CDC42BPB: variants seen among roughly 807,000 people sequenced by gnomAD.
CDC42BPB encodes CDC42 binding protein kinase beta.
Under a neutral mutation model 214.9 loss-of-function variants are expected in CDC42BPB, and 37 were observed. The ratio of observed to expected loss-of-function variants is 0.17; its 90% CI spans 0.13 to 0.23. The LOEUF is 0.23. Ranked by LOEUF, CDC42BPB falls within the 10% of genes least tolerant of loss-of-function variation. The pLI is 1.00. For missense variants in CDC42BPB, 1,694 were observed against 2,227.0 expected (o/e 0.76, Z 4.82); for synonymous variants, 931 against 884.0 (o/e 1.05, Z -0.94).
rs2139444260 is a variant in CDC42BPB, at chr14:102,964,631, C to T, written c.2597G>A (p.Arg866His). ...GGACATGTCCAGCTTCTGGCTGCGG[C>T]GCACCTTCCACAGCGGGTCCTTGAG... The part of the protein sequence containing the change: ...SRTLDPLWKV[R>H]RSQKLDMSAR... Residue 866 changes from arginine to histidine, a missense_variant, in exon 19 of 37, where the codon CGC becomes CAC. By Grantham distance (29) the Arg-to-His change is conservative (BLOSUM62 0). This residue lies in a region of CDC42BPB where 55 missense variants were observed against 95.5 expected (regional missense o/e 0.58). Transcript: ENST00000361246. 3 of 1,613,122 alleles carry T rather than the reference C, an allele frequency of 1.9e-6. No homozygotes were observed. Among genetic ancestry groups the T allele is most frequent in the Admixed American group, 1.7e-5 (1 of 59,954 alleles).
intron 1 of CDC42BPB, among the ~76,000 whole-genome samples, chr14:103,028,172 G>A (rs1440617298): frequency 1.3e-5 from 2 of 152,170 alleles, no homozygotes; most frequent in African/African-American, 2.4e-5. Context: ...CAAGCACAAC[G>A]AATCTGTGAT....
intron 1 of CDC42BPB, among the ~76,000 whole-genome samples, chr14:103,046,509 A>G (rs560073076): frequency 6.6e-6 from 1 of 152,348 alleles, no homozygotes; most frequent in South Asian, 2.1e-4. Flanking sequence ...ACGCACAGGA[A>G]ACAGACAAGG....
chr14:102,981,043 C>G (rs375206673), intron 7 of CDC42BPB, 22 bp from the exon 8 acceptor site: 1 of 1,613,722 alleles, frequency 6.2e-7, no homozygotes, highest in Non-Finnish European at 8.5e-7. Flanking sequence ...GGCAAAAACA[C>G]CGGTGGACAG....
chr14:102,961,675 C>CT (rs1198279308), intron 20 of CDC42BPB, among the ~76,000 whole-genome samples: 4 of 152,082 alleles, frequency 2.6e-5, no homozygotes, highest in African/African-American at 9.7e-5. Context: ...TCCTGAGTAG[C>CT]TGGGATTACA....
chr14:102,939,981 GGCACCAGGGACA>G, intron 32 of CDC42BPB, 34 bp from the exon 33 acceptor site: 1 of 1,613,674 alleles, frequency 6.2e-7, no homozygotes, highest in Non-Finnish European at 8.5e-7. Context: ...ACGGTGCTGC[GGCACCAGGGACA>G]CACGCCCCTC....
At chr14:103,027,193 G>A (rs1380722382) in intron 1 of CDC42BPB, among the ~76,000 whole-genome samples, 1 of 152,170 alleles carries the variant, frequency 6.6e-6, no homozygotes, top group African/African-American at 2.4e-5. Context: ...CATAACAAGC[G>A]TTGGCCATGA....
Position 102,940,265 on chromosome 14 carries a change from G to A in CDC42BPB, c.4468C>T (p.Arg1490Cys), listed in dbSNP as rs1194354927. The A allele has an allele frequency of 4.4e-6, 7 of 1,596,634 alleles. No individual in the cohort carries two copies. In the Admixed American group the frequency reaches 8.8e-5, roughly 20 times the overall value. The stretch of plus-strand genomic sequence containing the variant: ...ATGGTCTGCACCCACTCCATGGTGC[G>A]CACATCAAAGACGTCCACGCCATAC... The part of the protein sequence containing the change: ...SEYGVDVFDV[R>C]TMEWVQTIGL... Residue 1490 changes from arginine (R) to cysteine (C), a missense_variant, in exon 31 of 37, where the codon CGC becomes TGC. This residue lies in a region of CDC42BPB where 567 missense variants were observed against 790.3 expected (regional missense o/e 0.72). Transcript: ENST00000361246.
At chr14:102,935,107 C>T (rs1007121251) in intron 36 of CDC42BPB, among the ~76,000 whole-genome samples, 1 of 151,846 alleles carries the variant, frequency 6.6e-6, no homozygotes, top group African/African-American at 2.4e-5. Context: ...GCTAGAGGTT[C>T]TAGGCAGAGC....
At chr14:102,945,822 A>G in intron 28 of CDC42BPB, 98 bp from the exon 29 acceptor site, 1 of 1,009,274 alleles carries the variant, frequency 9.9e-7, no homozygotes, top group Non-Finnish European at 1.6e-6. Context: ...ATACTTTTCA[A>G]CCATATGTGG....
Position 102,968,641 on chromosome 14 carries a change from C to G in CDC42BPB, c.2071G>C (p.Glu691Gln). The stretch of plus-strand genomic sequence containing the variant: ...TCTTCATAAAATAAGACTTTCTTCT[C>G]CAGCTCGGATTTGATTTTGGAAATC... ...QEISKIKSEL[E>Q]KKVLFYEEEL... The change falls in exon 15 of 37, where the codon GAG becomes CAG. Residue 691 changes from glutamate to glutamine, a missense_variant. By Grantham distance (29) the Glu-to-Gln change is conservative (BLOSUM62 2). This residue lies in a region of CDC42BPB where 462 missense variants were observed against 513.5 expected (regional missense o/e 0.90). Coordinates refer to ENST00000361246, the MANE Select transcript of CDC42BPB (RefSeq NM_006035.4). 6.2e-7 allele frequency: 1 copy of G among 1,614,232 alleles called. No homozygotes were observed. Among genetic ancestry groups the G allele is most frequent in the Non-Finnish European group, 8.5e-7 (1 of 1,180,040 alleles).
In CDC42BPB at chr14:102,974,132, G is replaced by A. The variant is rs768333860; in HGVS notation, c.1525C>T (p.Arg509Ter). The A allele has an allele frequency of 1.2e-6, 2 of 1,613,460 alleles. No individual in the cohort carries two copies. The highest frequency in any genetic ancestry group is 1.3e-5 in the African/African-American group (1 of 74,912). The change falls in exon 12 of 37, where the codon CGA (arginine) becomes TGA (stop). Residue 509 changes from arginine (R) to a stop codon, truncating the protein, a stop_gained. Coordinates refer to ENST00000361246, the MANE Select transcript of CDC42BPB (RefSeq NM_006035.4). LOFTEE classifies it high-confidence loss of function. ...NKIADSNRLE[R>*]QLEDTVALRQ... The stretch of plus-strand genomic sequence containing the variant: ...AGCGCCACTGTGTCCTCAAGCTGTC[G>A]CTCGAGCCTGTTTGAATCTGGACAA...
intron 5 of CDC42BPB, 80 bp from the exon 6 acceptor site, chr14:102,986,660 C>G: frequency 6.5e-7 from 1 of 1,546,748 alleles, no homozygotes; most frequent in South Asian, 1.2e-5. Flanking sequence ...TAGTGGTGAT[C>G]AGATGAATAA....
At position 102,962,970 on chromosome 14, in the gene CDC42BPB, A is replaced by G. The variant is rs35516327; in HGVS notation, c.2821+91T>C. 1,185 of 642,790 alleles carry G rather than the reference A, an allele frequency of 1.8e-3. 4 individuals are homozygous for G. The highest frequency in any genetic ancestry group is 0.013 in the East Asian group (484 of 35,988). 39.8% of individuals were successfully genotyped at this position (642,790 alleles called of 1,614,324 possible). On this transcript the variant is annotated intron_variant, in intron 20 of 36. Transcript: ENST00000361246. ...AATTTGGAATTCTGTAGGTGCTTCT[A>G]AAGTAACTATTAAGTCGAAAAGAAA...
chr14:103,019,451 C>T (rs1480570163), intron 1 of CDC42BPB, among the ~76,000 whole-genome samples: 1 of 152,196 alleles, frequency 6.6e-6, no homozygotes. Context: ...CCTCACCCAG[C>T]ACAAAGCCAC....
intron 1 of CDC42BPB, among the ~76,000 whole-genome samples, chr14:103,031,155 T>C (rs955087655): frequency 5.3e-5 from 8 of 151,388 alleles, no homozygotes; most frequent in Non-Finnish European, 1.0e-4. Flanking sequence ...GGAAATGAAA[T>C]AAAAAAAGTA....
At chr14:102,975,100 G>T (rs938060191) in intron 11 of CDC42BPB, among the ~76,000 whole-genome samples, 3 of 152,242 alleles carry the variant, frequency 2.0e-5, no homozygotes, top group Admixed American at 2.0e-4. Context: ...GAGGAAAGCA[G>T]CTCTAGGAAC....
chr14:102,974,374 T>G, intron 11 of CDC42BPB: 1 of 984,574 alleles, frequency 1.0e-6, no homozygotes. Context: ...CCCTAGACTT[T>G]ACTCTGATCT....
intron 1 of CDC42BPB, among the ~76,000 whole-genome samples, chr14:103,038,326 A>G (rs1474702216): frequency 6.7e-6 from 1 of 149,248 alleles, no homozygotes; most frequent in Non-Finnish European, 1.5e-5. Context: ...CAACAGAGCG[A>G]GCGAGACTCT....
At chr14:102,984,952 G>A (rs1037218364) in intron 6 of CDC42BPB, among the ~76,000 whole-genome samples, 2 of 152,256 alleles carry the variant, frequency 1.3e-5, no homozygotes, top group Non-Finnish European at 2.9e-5. Flanking sequence ...GGTGTTGGGC[G>A]GTGACTCCAC....
Sources: allele counts gnomAD v4.1 joint callset (sites outside exome capture counted in the v4.1 genomes callset), GRCh38; gene constraint gnomAD v4.1.1; regional missense constraint gnomAD v4.1.1; transcripts MANE v1.5; gene names NCBI Gene and HGNC (gene_info 2026-07-23, HGNC 2026-07-21).